Variants in NAV3 observed in about 807,000 individuals in gnomAD.
NAV3 encodes the protein pore membrane and/or filament interacting like protein 1.
In NAV3, 87 loss-of-function variants were observed where a neutral mutation model predicts 244.7. That is an observed-to-expected ratio of 0.36 (90% CI 0.30 to 0.42). The LOEUF (loss-of-function observed/expected upper bound fraction) is 0.42. NAV3 is among the 20% of genes least tolerant of loss of function. NAV3 has a pLI of 1.00. For synonymous variants in NAV3, 1,126 were observed against 1,042.2 expected (o/e 1.08, Z -1.55); for missense variants, 2,663 against 2,893.3 (o/e 0.92, Z 1.83).
At chr12:78,127,297 T>G in intron 17 of NAV3, 89 bp downstream of exon 17, 1 of 1,301,710 alleles carries the variant, frequency 7.7e-7, no homozygotes, top group South Asian at 1.2e-5. Context: ...TTGTTTGCAA[T>G]GTAGCACATG....
intron 19 of NAV3, among the ~76,000 whole-genome samples, chr12:78,139,381 T>C (rs1956509304): frequency 6.6e-6 from 1 of 152,192 alleles, no homozygotes; most frequent in Non-Finnish European, 1.5e-5. Context: ...CACAGTACTC[T>C]ATTGTAAATA....
intron 5 of NAV3, among the ~76,000 whole-genome samples, chr12:77,980,758 T>C (rs1869418981): frequency 6.6e-6 from 1 of 152,190 alleles, no homozygotes; most frequent in South Asian, 2.1e-4. Context: ...GAGCTATGTG[T>C]AAGTAACAGC....
intron 2 of NAV3, among the ~76,000 whole-genome samples, chr12:77,806,763 G>C (rs1472239675): frequency 6.6e-6 from 1 of 152,090 alleles, no homozygotes; most frequent in African/African-American, 2.4e-5. Flanking sequence ...ATTGACAGTG[G>C]GTTGTTAAAT....
intron 2 of NAV3, among the ~76,000 whole-genome samples, chr12:77,666,915 T>C (rs906139428): frequency 6.6e-6 from 1 of 152,232 alleles, no homozygotes; most frequent in African/African-American, 2.4e-5. Flanking sequence ...AAACATTTAA[T>C]GGCTACCTTA....
At position 77,873,679 on chromosome 12, in the gene NAV3, G is replaced by GTGTGTGTA. The variant is rs540390004; in HGVS notation, c.243+41976_243+41977insGTGTGTAT. The stretch of plus-strand genomic sequence containing the variant: ...TTATATATATACATGATTTGTATGT[G>GTGTGTGTA]TATATATATATATATATATATATAT... On this transcript the variant is annotated intron_variant, in intron 1 of 39. Coordinates refer to ENST00000397909, the MANE Select transcript of NAV3 (RefSeq NM_001024383.2). Among the ~76,000 whole-genome samples, 23 of 107,306 alleles carry GTGTGTGTA rather than the reference G, an allele frequency of 2.1e-4. 1 individual carries two copies. The highest frequency in any genetic ancestry group is 1.1e-3 in the South Asian group (3 of 2,840). The allele number at this position is 107,306 out of a possible 152,430, so 70.4% of individuals were successfully genotyped here.
At chr12:78,080,124 C>G (rs1953272615) in intron 12 of NAV3, among the ~76,000 whole-genome samples, 1 of 151,996 alleles carries the variant, frequency 6.6e-6, no homozygotes, top group Non-Finnish European at 1.5e-5. Context: ...GCATTTTAGA[C>G]AAAAATAATT....
intron 2 of NAV3, among the ~76,000 whole-genome samples, chr12:77,636,319 A>T (rs1433639930): frequency 6.6e-6 from 1 of 152,038 alleles, no homozygotes; most frequent in Non-Finnish European, 1.5e-5. Context: ...ACAAAAAATT[A>T]GCCAGGCGTG....
chr12:78,116,188 G>A (rs1407938259), intron 12 of NAV3, among the ~76,000 whole-genome samples: 2 of 152,120 alleles, frequency 1.3e-5, no homozygotes, highest in Admixed American at 6.5e-5. Flanking sequence ...CAGATAAGAG[G>A]ATACTGTATG....
intron 1 of NAV3, among the ~76,000 whole-genome samples, chr12:77,899,977 C>T (rs1198114924): frequency 6.6e-6 from 1 of 152,044 alleles, no homozygotes; most frequent in Non-Finnish European, 1.5e-5. Context: ...ATGATCCTGT[C>T]CCCCAGACAG....
intron 39 of NAV3, among the ~76,000 whole-genome samples, chr12:78,207,848 C>T (rs1960482235): frequency 6.6e-6 from 1 of 152,112 alleles, no homozygotes; most frequent in South Asian, 2.1e-4. Context: ...GTTAGATCTG[C>T]AGTTTCTAAA....
At chr12:78,035,039 T>C (rs1259015028) in intron 9 of NAV3, among the ~76,000 whole-genome samples, 1 of 152,182 alleles carries the variant, frequency 6.6e-6, no homozygotes, top group African/African-American at 2.4e-5. Flanking sequence ...CCTTTTCATA[T>C]CTATAAAATG....
intron 39 of NAV3, among the ~76,000 whole-genome samples, chr12:78,206,432 A>C (rs1200583642): frequency 6.6e-6 from 1 of 152,170 alleles, no homozygotes; most frequent in East Asian, 1.9e-4. Context: ...TGAATTCCTC[A>C]AAAATTCCAG....
In NAV3 at chr12:78,142,721, ATATGTGTGTGTGTGTG is replaced by A. The variant is rs1565714079; in HGVS notation, c.4683+2391_4683+2406del. On this transcript the variant is annotated intron_variant, in intron 20 of 39. Coordinates refer to ENST00000397909, the MANE Select transcript of NAV3 (RefSeq NM_001024383.2). Reference sequence around the variant, plus strand: ...TATGTATGTGTATATATATACATATATATGTGTGTGTGTGTGTATATATATATTTATAGGCCAATAT... The same window carrying A: ...TATGTATGTGTATATATATACATATATATATATATATTTATAGGCCAATAT... Among the ~76,000 whole-genome samples the A allele has an allele frequency of 7.9e-3, 442 of 56,162 alleles. 17 individuals are homozygous for A. The highest frequency in any genetic ancestry group is 0.018 in the Admixed American group (90 of 4,882). The allele number at this position is 56,162 out of a possible 152,430, so 36.8% of individuals were successfully genotyped here.
At chr12:77,662,066 A>G (rs1401353257) in intron 2 of NAV3, among the ~76,000 whole-genome samples, 1 of 152,026 alleles carries the variant, frequency 6.6e-6, no homozygotes, top group Non-Finnish European at 1.5e-5. Context: ...GAATTAGCTT[A>G]TTAATTTTTA....
chr12:78,015,241 A>T (rs1020901370), intron 8 of NAV3, among the ~76,000 whole-genome samples: 20 of 152,082 alleles, frequency 1.3e-4, no homozygotes, highest in African/African-American at 4.3e-4. Flanking sequence ...TCTCATGTAC[A>T]CTTCTCCCAG....
At chr12:77,718,361 C>T (rs908464615) in intron 2 of NAV3, among the ~76,000 whole-genome samples, 32 of 152,110 alleles carry the variant, frequency 2.1e-4, no homozygotes, top group African/African-American at 7.0e-4. Flanking sequence ...CCTTGAGACC[C>T]TTGTCAAAGA....
chr12:77,808,787 C>T (rs1872125306), intron 2 of NAV3, among the ~76,000 whole-genome samples: 1 of 152,204 alleles, frequency 6.6e-6, no homozygotes, highest in Non-Finnish European at 1.5e-5. Flanking sequence ...CCCCCGCTTC[C>T]ACCAGGTGCT....
At chr12:77,660,537 A>T (rs1268268301) in intron 2 of NAV3, among the ~76,000 whole-genome samples, 1 of 152,170 alleles carries the variant, frequency 6.6e-6, no homozygotes, top group Non-Finnish European at 1.5e-5. Context: ...AGTTTTTTAC[A>T]GTTTATAAAC....
chr12:77,935,728 T>G, intron 1 of NAV3, among the ~76,000 whole-genome samples: 1 of 152,150 alleles, frequency 6.6e-6, no homozygotes, highest in East Asian at 1.9e-4. Flanking sequence ...TTTAATAGAC[T>G]CACAGTTCTG....
Sources: allele counts gnomAD v4.1 joint callset (sites outside exome capture counted in the v4.1 genomes callset), GRCh38; gene constraint gnomAD v4.1.1; transcripts MANE v1.5; gene names NCBI Gene and HGNC (gene_info 2026-07-23, HGNC 2026-07-21).